The following L3MBTL4 variants were observed in gnomAD, a reference collection of about 807,000 sequenced individuals.
L3MBTL4 encodes the protein L3MBTL histone methyl-lysine binding protein 4.
In L3MBTL4, 70 loss-of-function variants were observed where a neutral mutation model predicts 84.5. The ratio of observed to expected loss-of-function variants is 0.83; its 90% CI spans 0.68 to 1.01. The LOEUF (loss-of-function observed/expected upper bound fraction) is 1.01, where lower values mean the gene tolerates loss of function less well. L3MBTL4 is among the 50% of genes least tolerant of loss of function. The pLI is 0.00. For synonymous variants in L3MBTL4, 274 were observed against 259.8 expected (o/e 1.05, Z -0.52); for missense variants, 715 against 754.8 (o/e 0.95, Z 0.62).
At chr18:6,409,703 T>G (rs1286871751) in intron 1 of L3MBTL4, among the ~76,000 whole-genome samples, 1 of 152,128 alleles carries the variant, frequency 6.6e-6, no homozygotes. Context: ...AAGCCCACAT[T>G]TGCTAAGCTC....
At chr18:6,206,617 A>T (rs1041623735) in intron 12 of L3MBTL4, among the ~76,000 whole-genome samples, 1 of 152,158 alleles carries the variant, frequency 6.6e-6, no homozygotes, top group African/African-American at 2.4e-5. Flanking sequence ...TAAAAATGTG[A>T]AAGGTAAGTC....
intron 14 of L3MBTL4, among the ~76,000 whole-genome samples, chr18:6,104,708 G>C (rs888551750): frequency 6.6e-6 from 1 of 152,084 alleles, no homozygotes; most frequent in Non-Finnish European, 1.5e-5. Flanking sequence ...ATATTGTTAC[G>C]AAGATAGATC....
At chr18:6,353,419 T>C (rs779574881) in intron 1 of L3MBTL4, among the ~76,000 whole-genome samples, 2 of 152,192 alleles carry the variant, frequency 1.3e-5, no homozygotes. Flanking sequence ...GTTAAGCAGA[T>C]GTAATTAAAT....
At chr18:6,151,089 A>G (rs889661648) in intron 13 of L3MBTL4, among the ~76,000 whole-genome samples, 1 of 152,156 alleles carries the variant, frequency 6.6e-6, no homozygotes, top group African/African-American at 2.4e-5. Context: ...CCTTACTGGC[A>G]TACAAAACTG....
At chr18:6,298,603 T>C (rs2050202120) in intron 4 of L3MBTL4, among the ~76,000 whole-genome samples, 1 of 152,230 alleles carries the variant, frequency 6.6e-6, no homozygotes, top group Non-Finnish European at 1.5e-5. Flanking sequence ...CCAGGCGCAG[T>C]GGCTCATGCC....
rs1291032859 is a variant in L3MBTL4 at position 6,160,679 on chromosome 18, T to C, written c.1096+11149A>G. Among the ~76,000 whole-genome samples the C allele has an allele frequency of 2.8e-5, 4 of 141,398 alleles. 1 individual carries two copies. The highest frequency in any genetic ancestry group is 8.1e-5 in the African/African-American group (3 of 37,030). 92.8% of individuals were successfully genotyped at this position (141,398 alleles called of 152,430 possible). A position where few individuals can be genotyped will look rare whatever the true frequency, so the allele number is the denominator to read the frequency against. On this transcript the variant is annotated intron_variant, in intron 13 of 18. Transcript: ENST00000317931. ...TTGGGAGGCGGAGGTTGCAGTGAGCTGAAATCGCACCATTACACCCCAGCT... is the reference window on the plus strand; with the variant it reads ...TTGGGAGGCGGAGGTTGCAGTGAGCCGAAATCGCACCATTACACCCCAGCT...
chr18:6,302,650 T>G (rs1464379396), intron 3 of L3MBTL4, among the ~76,000 whole-genome samples: 1 of 152,196 alleles, frequency 6.6e-6, no homozygotes, highest in Admixed American at 6.5e-5. Flanking sequence ...ATATGTGTCT[T>G]CTTTATGTCA....
rs189404276 is a variant in L3MBTL4, at chr18:6,182,627, G to A, written c.982-10685C>T. ...GAAATCTTTGCCAGGTTCTATATAC[G>A]GAATAGTATTTCCTAGGTTGTCTTC... On this transcript the variant is annotated intron_variant, in intron 12 of 18. Transcript: ENST00000317931. Among the ~76,000 whole-genome samples the A allele has an allele frequency of 1.9e-3, 294 of 152,092 alleles. 1 individual carries two copies. The highest frequency in any genetic ancestry group is 6.8e-3 in the Middle Eastern group (2 of 292).
intron 12 of L3MBTL4, among the ~76,000 whole-genome samples, chr18:6,179,824 G>A (rs570109490): frequency 2.6e-5 from 4 of 152,182 alleles, no homozygotes; most frequent in African/African-American, 7.2e-5. Context: ...TTTTTGTAGA[G>A]TCAAGGTCTT....
intron 16 of L3MBTL4, among the ~76,000 whole-genome samples, chr18:6,055,054 G>C (rs2056973389): frequency 6.6e-6 from 1 of 152,206 alleles, no homozygotes; most frequent in Non-Finnish European, 1.5e-5. Context: ...AGTATGACTA[G>C]ATACCTTAGC....
At chr18:6,171,734 C>T in intron 13 of L3MBTL4, 94 bp downstream of exon 13, 4 of 669,132 alleles carry the variant, frequency 6.0e-6, no homozygotes, top group Middle Eastern at 2.5e-4. Flanking sequence ...TGATGTTTAG[C>T]TTTCAAATGC....
At chr18:6,197,446 T>C (rs1187637046) in intron 12 of L3MBTL4, among the ~76,000 whole-genome samples, 1 of 152,372 alleles carries the variant, frequency 6.6e-6, no homozygotes, top group South Asian at 2.1e-4. Flanking sequence ...CATGATTTTG[T>C]TCCTCTTTAT....
At chr18:6,404,852 ATTT>A (rs796588434) in intron 1 of L3MBTL4, among the ~76,000 whole-genome samples, 1 of 142,288 alleles carries the variant, frequency 7.0e-6, no homozygotes, top group Non-Finnish European at 1.5e-5. Context: ...TGCCTGGATA[ATTT>A]TTTTTTTTTT....
At chr18:6,155,002 T>G (rs939342520) in intron 13 of L3MBTL4, among the ~76,000 whole-genome samples, 1 of 152,210 alleles carries the variant, frequency 6.6e-6, no homozygotes, top group African/African-American at 2.4e-5. Flanking sequence ...CATTAAAGTA[T>G]AAAAACTTCC....
chr18:6,165,615 C>T (rs1419437315), intron 13 of L3MBTL4, among the ~76,000 whole-genome samples: 2 of 152,152 alleles, frequency 1.3e-5, no homozygotes, highest in South Asian at 2.1e-4. Flanking sequence ...AAATACTTTA[C>T]AGACAAGCAA....
intron 4 of L3MBTL4, among the ~76,000 whole-genome samples, chr18:6,292,632 G>T (rs2049916072): frequency 6.6e-6 from 1 of 152,098 alleles, no homozygotes; most frequent in African/African-American, 2.4e-5. Context: ...CTTCAAAATA[G>T]TTTGTCACCA....
chr18:6,253,956 C>T (rs886377593), intron 5 of L3MBTL4, among the ~76,000 whole-genome samples: 12 of 152,304 alleles, frequency 7.9e-5, no homozygotes, highest in East Asian at 1.9e-4. Flanking sequence ...CACTAATACA[C>T]GCACACACTC....
intron 16 of L3MBTL4, among the ~76,000 whole-genome samples, chr18:6,013,084 A>G (rs1005878389): frequency 1.3e-5 from 2 of 152,082 alleles, no homozygotes; most frequent in African/African-American, 4.8e-5. Flanking sequence ...TCACTCTTTT[A>G]AGGGGAAACA....
At chr18:6,045,526 C>G (rs903586577) in intron 16 of L3MBTL4, among the ~76,000 whole-genome samples, 2 of 152,174 alleles carry the variant, frequency 1.3e-5, no homozygotes, top group Non-Finnish European at 2.9e-5. Context: ...AGGAGCAAGT[C>G]ACATCTTATG....
Sources: allele counts gnomAD v4.1 joint callset (sites outside exome capture counted in the v4.1 genomes callset), GRCh38; gene constraint gnomAD v4.1.1; transcripts MANE v1.5; gene names NCBI Gene and HGNC (gene_info 2026-07-23, HGNC 2026-07-21).